Variants in MAGI3 observed in about 807,000 individuals in gnomAD.
The protein encoded by MAGI3 is membrane-associated guanylate kinase, WW and PDZ domain-containing protein 3.
A neutral mutation model predicts 121.8 loss-of-function variants in MAGI3; 43 were observed. That is an observed-to-expected ratio of 0.35 (90% CI 0.28 to 0.46). The LOEUF (loss-of-function observed/expected upper bound fraction) is 0.46. Among genes scored for constraint, MAGI3 ranks in the 20% least tolerant of loss-of-function variants. The pLI is 1.00. For missense variants in MAGI3, 1,547 were observed against 1,797.3 expected (o/e 0.86, Z 2.52); for synonymous variants, 553 against 639.3 (o/e 0.86, Z 2.04).
chr1:113,678,742 A>G (rs1019771266), intron 19 of MAGI3, among the ~76,000 whole-genome samples: 1 of 152,210 alleles, frequency 6.6e-6, no homozygotes. Flanking sequence ...TATTATCCTC[A>G]TTTAACAGAT....
chr1:113,455,365 T>A (rs1373499615), intron 1 of MAGI3, among the ~76,000 whole-genome samples: 1 of 152,070 alleles, frequency 6.6e-6, no homozygotes, highest in Non-Finnish European at 1.5e-5. Flanking sequence ...AAAAATCAGC[T>A]AGAGAAATAG....
intron 1 of MAGI3, among the ~76,000 whole-genome samples, chr1:113,465,296 G>A (rs1246013312): frequency 1.3e-5 from 2 of 151,998 alleles, no homozygotes; most frequent in East Asian, 1.9e-4. Flanking sequence ...TACCTTTGTC[G>A]AAGATGAGTT....
intron 1 of MAGI3, among the ~76,000 whole-genome samples, chr1:113,532,475 CAG>C (rs1429022021): frequency 1.3e-5 from 2 of 151,848 alleles, no homozygotes; most frequent in Non-Finnish European, 2.9e-5. Context: ...AGTGTAAAGA[CAG>C]AGCATAGCCA....
At chr1:113,590,448 C>T (rs1359642244) in intron 4 of MAGI3, 36 bp from the exon 5 acceptor site, 1 of 1,600,514 alleles carries the variant, frequency 6.2e-7, no homozygotes, top group Middle Eastern at 1.7e-4. Flanking sequence ...ATAACTTTAC[C>T]CACTTTTCAC....
intron 16 of MAGI3, among the ~76,000 whole-genome samples, chr1:113,670,308 T>G (rs1397104186): frequency 6.6e-6 from 1 of 152,238 alleles, no homozygotes; most frequent in Non-Finnish European, 1.5e-5. Context: ...AAGAAACTTT[T>G]CAATAAAAAT....
intron 2 of MAGI3, among the ~76,000 whole-genome samples, chr1:113,561,154 C>A (rs1660219237): frequency 6.6e-6 from 1 of 152,164 alleles, no homozygotes; most frequent in Non-Finnish European, 1.5e-5. Context: ...AGCCCAGGAC[C>A]AGATGGATTT....
At chr1:113,585,658 A>T in intron 4 of MAGI3, 62 bp downstream of exon 4, 2 of 1,433,038 alleles carry the variant, frequency 1.4e-6, no homozygotes, top group Admixed American at 4.3e-5. Flanking sequence ...ATTACGTTGA[A>T]TTAAAAGCAC....
rs758865950 is a variant in MAGI3, at chr1:113,651,244, G to T, written c.2440+38G>T. The T allele has an allele frequency of 1.9e-6, 3 of 1,555,558 alleles. No individual in the cohort carries two copies. The South Asian group carries it at 3.6e-5, about 19-fold the overall frequency. The stretch of plus-strand genomic sequence containing the variant: ...GTTCCTGCTCTGAAAAGTTAAAAAA[G>T]AAACAAAGATACTAGTCTACTTCCT... On this transcript the variant is annotated intron_variant, in intron 14 of 20. Transcript: ENST00000307546.
intron 6 of MAGI3, among the ~76,000 whole-genome samples, chr1:113,602,781 C>A (rs1649486247): frequency 6.6e-6 from 1 of 151,996 alleles, no homozygotes; most frequent in Non-Finnish European, 1.5e-5. Flanking sequence ...CACAAATTAA[C>A]CAGGTATGGT....
intron 1 of MAGI3, among the ~76,000 whole-genome samples, chr1:113,495,844 G>A (rs1656893895): frequency 6.6e-6 from 1 of 152,110 alleles, no homozygotes; most frequent in Admixed American, 6.5e-5. Context: ...TATCACAGAA[G>A]CACAACAGCT....
intron 1 of MAGI3, among the ~76,000 whole-genome samples, chr1:113,544,669 A>G (rs1659448902): frequency 6.6e-6 from 1 of 152,220 alleles, no homozygotes; most frequent in Non-Finnish European, 1.5e-5. Context: ...TCAAAGGCCA[A>G]AATTTAAAAG....
intron 1 of MAGI3, among the ~76,000 whole-genome samples, chr1:113,522,427 A>T (rs573589124): frequency 6.6e-6 from 1 of 152,144 alleles, no homozygotes; most frequent in Non-Finnish European, 1.5e-5. Context: ...TTTTATAATT[A>T]TTCATGTGCT....
intron 2 of MAGI3, 73 bp downstream of exon 2, chr1:113,549,704 T>G (rs974566769): frequency 2.8e-6 from 2 of 710,028 alleles, no homozygotes; most frequent in African/African-American, 3.6e-5. Flanking sequence ...CTACAGATAG[T>G]TTGATGGAGT....
intron 1 of MAGI3, among the ~76,000 whole-genome samples, chr1:113,397,728 G>A (rs963922045): frequency 5.9e-5 from 9 of 151,984 alleles, no homozygotes; most frequent in African/African-American, 9.7e-5. Context: ...TTATCTCCTC[G>A]AAATAATGCT....
chr1:113,443,526 A>G (rs370690517), intron 1 of MAGI3, among the ~76,000 whole-genome samples: 2 of 152,204 alleles, frequency 1.3e-5, no homozygotes, highest in East Asian at 3.8e-4. Flanking sequence ...TTAAAAGTTT[A>G]TAATCTTTAC....
At chr1:113,399,483 C>T (rs955346391) in intron 1 of MAGI3, among the ~76,000 whole-genome samples, 3 of 151,996 alleles carry the variant, frequency 2.0e-5, no homozygotes, top group Admixed American at 6.6e-5. Context: ...ACTTGGAGGC[C>T]AGAAGTAGTA....
intron 9 of MAGI3, among the ~76,000 whole-genome samples, chr1:113,634,039 G>T (rs1037560853): frequency 4.6e-5 from 7 of 151,632 alleles, no homozygotes; most frequent in Non-Finnish European, 8.9e-5. Flanking sequence ...GTCTTCTTTT[G>T]AGAAGTGTCT....
chr1:113,620,126 A>G (rs1041516432), intron 8 of MAGI3, among the ~76,000 whole-genome samples: 2 of 152,174 alleles, frequency 1.3e-5, no homozygotes, highest in Non-Finnish European at 2.9e-5. Flanking sequence ...GTTTAAGGCT[A>G]GACCAATATT....
chr1:113,528,222 A>G (rs1484393152), intron 1 of MAGI3, among the ~76,000 whole-genome samples: 3 of 151,784 alleles, frequency 2.0e-5, no homozygotes, highest in Non-Finnish European at 2.9e-5. Context: ...GATCCAACTG[A>G]AGTTGACATA....
Sources: allele counts gnomAD v4.1 joint callset (sites outside exome capture counted in the v4.1 genomes callset), GRCh38; gene constraint gnomAD v4.1.1; transcripts MANE v1.5; gene names NCBI Gene and HGNC (gene_info 2026-07-23, HGNC 2026-07-21).